RABL3: variants seen among roughly 807,000 people sequenced by gnomAD.
The protein encoded by RABL3 is RAB, member of RAS oncogene family like 3.
RABL3 carries 31 observed loss-of-function variants against 31.8 expected under a neutral mutation model. The observed-to-expected ratio is 0.97, with a 90% confidence interval of 0.73 to 1.31. RABL3 has a LOEUF of 1.31. Ranked by LOEUF, RABL3 falls within the 40% of genes most tolerant of loss-of-function variation. RABL3 has a pLI of 0.00. For synonymous variants in RABL3, 97 were observed against 99.9 expected (o/e 0.97, Z 0.18); for missense variants, 263 against 279.6 (o/e 0.94, Z 0.42).
intron 4 of RABL3, among the ~76,000 whole-genome samples, chr3:120,701,599 A>G (rs1008063113): frequency 6.6e-6 from 1 of 152,224 alleles, no homozygotes; most frequent in African/African-American, 2.4e-5. Context: ...GACATCAGTG[A>G]TGAAAGGAAT....
intron 1 of RABL3, among the ~76,000 whole-genome samples, chr3:120,738,961 T>C (rs903776297): frequency 3.9e-5 from 6 of 152,196 alleles, no homozygotes; most frequent in African/African-American, 9.6e-5. Flanking sequence ...TTGATATGCA[T>C]TGAGAAATAA....
rs190587918 is a variant in RABL3 at position 120,695,233 on chromosome 3, A to G, written c.535-1009T>C. Among the ~76,000 whole-genome samples the G allele has an allele frequency of 2.7e-4, 41 of 152,246 alleles. No individual in the cohort carries two copies. The East Asian group carries it at 7.7e-3, about 29-fold the overall frequency. On this transcript the variant is annotated intron_variant, in intron 5 of 7. Coordinates refer to ENST00000273375, the MANE Select transcript of RABL3 (RefSeq NM_173825.5). Reference sequence around the variant, plus strand: ...CTATTTTATTCATATGCAACATTTCAAGGCTCACACTTTAAATTTTAGCCA... The same window carrying G: ...CTATTTTATTCATATGCAACATTTCGAGGCTCACACTTTAAATTTTAGCCA...
intron 4 of RABL3, among the ~76,000 whole-genome samples, chr3:120,698,915 A>G (rs541009208): frequency 6.6e-6 from 1 of 152,342 alleles, no homozygotes; most frequent in South Asian, 2.1e-4. Context: ...TAAGGTTAAC[A>G]TAACAGCTCA....
chr3:120,696,624 C>CACACAT lies in RABL3; in HGVS notation c.534+1793_534+1798dup, dbSNP rs1016986588. On this transcript the variant is annotated intron_variant, in intron 5 of 7. Transcript: ENST00000273375. Reference sequence around the variant, plus strand: ...ACACACACACACACACACACACACACACACATGCACGCGATTATCAGAGAA... The same window carrying CACACAT: ...ACACACACACACACACACACACACACACACATACACATGCACGCGATTATCAGAGAA... Among the ~76,000 whole-genome samples the CACACAT allele has an allele frequency of 3.1e-5, 4 of 129,152 alleles. No homozygotes were observed. In the South Asian group the frequency reaches 1.0e-3, roughly 33 times the overall value. 84.7% of individuals were successfully genotyped at this position (129,152 alleles called of 152,430 possible).
chr3:120,685,422 A>G lies in RABL3; in HGVS notation c.*4401T>C, dbSNP rs2107569903. Among the ~76,000 whole-genome samples, 1 of 152,356 alleles carries G rather than the reference A, an allele frequency of 6.6e-6. No individual in the cohort carries two copies. Among genetic ancestry groups the G allele is most frequent in the South Asian group, 2.1e-4 (1 of 4,818 alleles). On this transcript the variant is annotated 3_prime_UTR_variant, in exon 8 of 8. Transcript: ENST00000273375. ...ATGACCTCGGTAAAGCTTAGTGATT[A>G]GCCAGCTGAGAAAACACAGTACTAG...
chr3:120,729,819 A>C (rs2107594717), intron 2 of RABL3, among the ~76,000 whole-genome samples: 1 of 152,260 alleles, frequency 6.6e-6, no homozygotes, highest in South Asian at 2.1e-4. Flanking sequence ...GTCAAGAGGA[A>C]GGGATAGAAG....
At chr3:120,711,881 T>C (rs906968619) in intron 2 of RABL3, among the ~76,000 whole-genome samples, 2 of 152,188 alleles carry the variant, frequency 1.3e-5, no homozygotes, top group Non-Finnish European at 2.9e-5. Flanking sequence ...TTTCATAGAA[T>C]GGGACTATTA....
chr3:120,741,807 G>C (rs754302144), intron 1 of RABL3, among the ~76,000 whole-genome samples: 8 of 152,148 alleles, frequency 5.3e-5, no homozygotes, highest in Non-Finnish European at 8.8e-5. Flanking sequence ...TTTCAATGAA[G>C]ATCAAACGAG....
chr3:120,698,423 C>A lies in RABL3; in HGVS notation c.534G>T (p.Leu178Phe). 6.2e-7 allele frequency: 1 copy of A among 1,611,486 alleles called. No individual in the cohort carries two copies. The highest frequency in any genetic ancestry group is 8.5e-7 in the Non-Finnish European group (1 of 1,179,016). The change falls in exon 5 of 8, where the codon TTG becomes TTT. Residue 178 changes from leucine (L) to phenylalanine (F), a missense_variant and splice_region_variant. Leu to Phe is a conservative substitution (Grantham distance 22, BLOSUM62 0). Transcript: ENST00000273375. ...AEDFNPEEIN[L>F]DCTNPRYLAA... ...AGCATGCATTAGTGAAAATACATAC[C>A]AAATTAATTTCTTCTGGATTGAAAT...
At chr3:120,738,709 T>C (rs1461581905) in intron 1 of RABL3, 1 of 152,210 alleles carries the variant, frequency 6.6e-6, no homozygotes, top group East Asian at 1.9e-4. Context: ...TTATTAAAAG[T>C]TTCCATATTA....
chr3:120,699,459 A>C (rs188701159), intron 4 of RABL3, among the ~76,000 whole-genome samples: 33 of 152,326 alleles, frequency 2.2e-4, no homozygotes, highest in Admixed American at 2.0e-3. Flanking sequence ...TGTTGAATTA[A>C]TTTAAATTCT....
rs1708292791 is a variant in RABL3, at chr3:120,684,972, T to A, written c.*4851A>T. Among the ~76,000 whole-genome samples, 1 of 152,256 alleles carries A rather than the reference T, an allele frequency of 6.6e-6. No homozygotes were observed. The highest frequency in any genetic ancestry group is 1.5e-5 in the Non-Finnish European group (1 of 68,050). Reference sequence around the variant, plus strand: ...TATGTCTAATGGCTTTCCATTTTAATTAATGTAATTATACATTCATTTATT... The same window carrying A: ...TATGTCTAATGGCTTTCCATTTTAAATAATGTAATTATACATTCATTTATT... On this transcript the variant is annotated 3_prime_UTR_variant, in exon 8 of 8. Transcript: ENST00000273375.
At chr3:120,722,369 A>C (rs1253359880) in intron 2 of RABL3, 2 of 152,180 alleles carry the variant, frequency 1.3e-5, no homozygotes, top group East Asian at 3.8e-4. Context: ...CCAACCTCAT[A>C]ACCTCTATGA....
intron 1 of RABL3, among the ~76,000 whole-genome samples, chr3:120,734,549 T>C (rs1005094342): frequency 2.4e-4 from 36 of 152,230 alleles, no homozygotes; most frequent in African/African-American, 8.4e-4. Flanking sequence ...TTCTCCTGCC[T>C]GATTGCCCTG....
chr3:120,725,127 G>A (rs1195700559), intron 2 of RABL3, among the ~76,000 whole-genome samples: 1 of 151,696 alleles, frequency 6.6e-6, no homozygotes, highest in East Asian at 1.9e-4. Flanking sequence ...CCATCAACAA[G>A]TGAGTGAAGG....
chr3:120,698,383 C>T (rs1048897720), intron 5 of RABL3, 40 bp downstream of exon 5: 66 of 1,562,064 alleles, frequency 4.2e-5, no homozygotes, highest in Non-Finnish European at 5.7e-5. Flanking sequence ...TTTGTCTTTA[C>T]CCGATAATAA....
chr3:120,704,489 C>A (rs144739804), intron 4 of RABL3, among the ~76,000 whole-genome samples: 3 of 152,284 alleles, frequency 2.0e-5, no homozygotes, highest in African/African-American at 7.2e-5. Flanking sequence ...GAAATGAATG[C>A]TTTCCCCCTA....
intron 1 of RABL3, among the ~76,000 whole-genome samples, chr3:120,740,527 G>T (rs910623997): frequency 1.3e-5 from 2 of 152,176 alleles, no homozygotes; most frequent in African/African-American, 4.8e-5. Flanking sequence ...CTCCCAAAGT[G>T]CTGGGATTAT....
At chr3:120,689,921 C>T (rs1576328382) in intron 7 of RABL3, 33 bp from the exon 8 acceptor site, 2 of 1,554,052 alleles carry the variant, frequency 1.3e-6, no homozygotes, top group East Asian at 2.2e-5. Flanking sequence ...CATTAAGTCT[C>T]AAGCAATAAA....
Sources: allele counts gnomAD v4.1 joint callset (sites outside exome capture counted in the v4.1 genomes callset), GRCh38; gene constraint gnomAD v4.1.1; transcripts MANE v1.5; gene names NCBI Gene and HGNC (gene_info 2026-07-23, HGNC 2026-07-21).